The following DCDC1 variants were observed in gnomAD, a reference collection of about 807,000 sequenced individuals.
DCDC1 encodes the protein doublecortin domain-containing protein 1.
Under a neutral mutation model 178.3 loss-of-function variants are expected in DCDC1, and 200 were observed. The observed-to-expected ratio is 1.12, with a 90% CI of 1.00 to 1.26. The LOEUF (loss-of-function observed/expected upper bound fraction) is 1.26, where lower values mean the gene tolerates loss of function less well. Among genes scored for constraint, DCDC1 ranks in the 50% most tolerant of loss-of-function variants. The pLI is 0.00. For synonymous variants in DCDC1, 690 were observed against 604.8 expected (o/e 1.14, Z -2.07); for missense variants, 1,983 against 1,749.2 (o/e 1.13, Z -2.38).
chr11:30,968,025 G>A (rs1233160070), intron 20 of DCDC1, among the ~76,000 whole-genome samples: 1 of 152,076 alleles, frequency 6.6e-6, no homozygotes, highest in Non-Finnish European at 1.5e-5. Context: ...GTCTGCCTTG[G>A]GAAACACCAT....
chr11:31,056,699 A>G (rs1482066447), intron 20 of DCDC1, among the ~76,000 whole-genome samples: 3 of 152,166 alleles, frequency 2.0e-5, no homozygotes. Flanking sequence ...CTCAAAGGAG[A>G]AATAGAAAAA....
At chr11:30,881,440 G>A (rs941293212) in intron 36 of DCDC1, 132 bp from the exon 37 acceptor site, 8 of 1,161,296 alleles carry the variant, frequency 6.9e-6, no homozygotes, top group South Asian at 3.2e-5. Flanking sequence ...TTAGACATTC[G>A]TATAGAAGAG....
In DCDC1 at chr11:30,931,938, T is replaced by A. The variant is rs1188819033; in HGVS notation, c.2730A>T (p.Pro910=). ...SGQLNEEFDW[P]IQGLLVPSSP... ...TGCTCGGAACAAGCAGTCCTTGTAT[T>A]GGCCAATCAAACTCCTTCAGAAAGA... is the stretch of plus-strand genomic sequence containing the variant. The change falls in exon 22 of 39, where the codon CCA becomes CCT. Residue 910 remains proline (P), a synonymous_variant. Transcript: ENST00000684477. The A allele has an allele frequency of 6.2e-7, 1 of 1,606,352 alleles. No homozygotes were observed. Among genetic ancestry groups the A allele is most frequent in the South Asian group, 1.1e-5 (1 of 89,364 alleles).
chr11:31,163,421 ATTTG>A (rs1350021416), intron 9 of DCDC1, among the ~76,000 whole-genome samples: 1 of 152,140 alleles, frequency 6.6e-6, no homozygotes, highest in Non-Finnish European at 1.5e-5. Context: ...GGATTCCTGA[ATTTG>A]TTTGTTTTTA....
intron 37 of DCDC1, 51 bp downstream of exon 37, chr11:30,881,107 G>A (rs1590206206): frequency 1.9e-6 from 3 of 1,594,886 alleles, no homozygotes; most frequent in African/African-American, 1.3e-5. Context: ...AGAGAAGATT[G>A]AATGCTTTAA....
chr11:31,250,415 C>CACACACACACACACACACACACAT, intron 8 of DCDC1, among the ~76,000 whole-genome samples: 1 of 73,732 alleles, frequency 1.4e-5, no homozygotes, highest in East Asian at 9.3e-4. Flanking sequence ...CACACACACA[C>CACACACACACACACACACACACAT]ATATACATAT....
intron 21 of DCDC1, among the ~76,000 whole-genome samples, chr11:30,945,524 C>T (rs7933651): frequency 0.61 from 92,421 of 151,318 alleles, 29,341 homozygotes; most frequent in African/African-American, 0.77. Context: ...TGAAACCCTA[C>T]CTCTACTAAA....
intron 17 of DCDC1, among the ~76,000 whole-genome samples, chr11:31,090,042 G>T (rs937512486): frequency 1.3e-5 from 2 of 152,136 alleles, no homozygotes. Flanking sequence ...CTCAATGTGA[G>T]TCTAGTTTAC....
In DCDC1 at chr11:31,241,522, A is replaced by G. The variant is rs1296947709; in HGVS notation, c.1149T>C (p.Ala383=). Residue 383 remains alanine (A), a synonymous_variant, in exon 9 of 39, where the codon GCT becomes GCC. Transcript: ENST00000684477. ...AAAGAACTCCTTGGATGTACATCTT[A>G]GCTCCTGAGGGGCTGAAACCTTCTC... ...SKGEGFSPSG[A]KMYIQGVLLA... is the part of the protein sequence containing the mutation. 2.5e-6 allele frequency: 1 copy of G among 397,576 alleles called. No homozygotes were observed. Among genetic ancestry groups the G allele is most frequent in the Non-Finnish European group, 4.4e-6 (1 of 225,140 alleles). 24.6% of individuals were successfully genotyped at this position (397,576 alleles called of 1,614,324 possible).
intron 20 of DCDC1, among the ~76,000 whole-genome samples, chr11:30,962,106 CAATT>C (rs1306949891): frequency 6.6e-6 from 1 of 151,858 alleles, no homozygotes; most frequent in African/African-American, 2.4e-5. Flanking sequence ...TTTATGTAAA[CAATT>C]ATTTTAAGAT....
chr11:31,008,954 C>T (rs777921974), intron 20 of DCDC1, among the ~76,000 whole-genome samples: 20 of 152,170 alleles, frequency 1.3e-4, no homozygotes, highest in Non-Finnish European at 2.2e-4. Flanking sequence ...CACATGAGCA[C>T]TCAAAGCACA....
At position 31,241,257 on chromosome 11, in the gene DCDC1, GAC is replaced by G. The variant is rs1387825197; in HGVS notation, c.1221+191_1221+192del. 5.9e-5 allele frequency among the ~76,000 whole-genome samples: 9 copies of G among 152,036 alleles called. No homozygotes were observed. In the East Asian group the frequency reaches 1.7e-3, roughly 29 times the overall value. ...AGACATATGACATCTTATACCAAAA[GAC>G]AGATACAATTAGCTCCATTATTGTT... On this transcript the variant is annotated intron_variant, in intron 9 of 38. Coordinates refer to ENST00000684477, the MANE Select transcript of DCDC1 (RefSeq NM_001387274.1).
chr11:30,943,582 CT>C, intron 21 of DCDC1: 1 of 431,448 alleles, frequency 2.3e-6, no homozygotes, highest in South Asian at 1.7e-5. Flanking sequence ...TGCTCCTTAC[CT>C]TTAAGTGTTT....
chr11:31,045,558 G>C (rs971380485), intron 20 of DCDC1, among the ~76,000 whole-genome samples: 2 of 151,996 alleles, frequency 1.3e-5, no homozygotes, highest in South Asian at 4.1e-4. Context: ...TTGTAGCTAC[G>C]TTGTAACTTG....
chr11:31,011,256 CA>C (rs1384057246), intron 20 of DCDC1, among the ~76,000 whole-genome samples: 1 of 152,024 alleles, frequency 6.6e-6, no homozygotes, highest in African/African-American at 2.4e-5. Context: ...AGGCAAACTT[CA>C]AAGTATTTAA....
intron 25 of DCDC1, among the ~76,000 whole-genome samples, chr11:30,919,853 T>C (rs1946122999): frequency 6.6e-6 from 1 of 152,220 alleles, no homozygotes; most frequent in Admixed American, 6.5e-5. Context: ...ATTCAATCTT[T>C]CATTCATTTA....
intron 6 of DCDC1, among the ~76,000 whole-genome samples, chr11:31,299,447 T>C (rs1591687854): frequency 6.6e-6 from 1 of 152,142 alleles, no homozygotes; most frequent in South Asian, 2.1e-4. Flanking sequence ...TAGCCCTGGG[T>C]CACGAACATA....
At chr11:30,903,786 A>C (rs976452607) in intron 31 of DCDC1, 103 bp from the exon 32 acceptor site, 4 of 1,013,166 alleles carry the variant, frequency 3.9e-6, no homozygotes, top group Non-Finnish European at 1.3e-6. Flanking sequence ...AAAATAATTG[A>C]ATTTGAGAAA....
At chr11:31,189,365 G>A (rs1969878151) in intron 9 of DCDC1, among the ~76,000 whole-genome samples, 1 of 151,992 alleles carries the variant, frequency 6.6e-6, no homozygotes, top group Non-Finnish European at 1.5e-5. Context: ...TACTGCTATT[G>A]AACTAAACAC....
Sources: allele counts gnomAD v4.1 joint callset (sites outside exome capture counted in the v4.1 genomes callset), GRCh38; gene constraint gnomAD v4.1.1; transcripts MANE v1.5; gene names NCBI Gene and HGNC (gene_info 2026-07-23, HGNC 2026-07-21).